The following MACROD2 variants were observed in gnomAD, a reference collection of about 807,000 sequenced individuals.
MACROD2 encodes the protein ADP-ribose glycohydrolase MACROD2.
A neutral mutation model predicts 70.4 loss-of-function variants in MACROD2; 36 were observed. The observed-to-expected ratio is 0.51, with a 90% CI of 0.39 to 0.68. The LOEUF (loss-of-function observed/expected upper bound fraction) is 0.68, where lower values mean the gene tolerates loss of function less well. Among genes scored for constraint, MACROD2 ranks in the 30% least tolerant of loss-of-function variants. The pLI is 0.00. For synonymous variants in MACROD2, 172 were observed against 178.8 expected, an observed-to-expected ratio of 0.96 and a Z score of 0.30; for missense variants, 496 against 538.4, an observed-to-expected ratio of 0.92 and a Z score of 0.78.
chr20:15,417,553 C>T (rs150832745), intron 6 of MACROD2, among the ~76,000 whole-genome samples: 556 of 140,458 alleles, frequency 4.0e-3, no homozygotes, highest in Non-Finnish European at 6.2e-3. Context: ...GATGCATGAT[C>T]GCACCACTGT....
intron 6 of MACROD2, among the ~76,000 whole-genome samples, chr20:15,393,754 A>G (rs935637675): frequency 6.6e-6 from 1 of 152,210 alleles, no homozygotes; most frequent in Non-Finnish European, 1.5e-5. Context: ...TTTGATAATC[A>G]TTCCTTACTC....
At position 14,326,150 on chromosome 20, in the gene MACROD2, T is replaced by C. The variant is rs767088262; in HGVS notation, c.272-167329T>C. The C allele has an allele frequency of 6.2e-7, 1 of 1,613,840 alleles. No homozygotes were observed. The highest frequency in any genetic ancestry group is 8.5e-7 in the Non-Finnish European group (1 of 1,179,860). On this transcript the variant is annotated intron_variant, in intron 3 of 17. Coordinates refer to ENST00000684519, the MANE Select transcript of MACROD2 (RefSeq NM_001351661.2). The surrounding 1 kb of genome is among the most constrained non-coding windows in gnomAD (Gnocchi z 5.5). ...CGTTCCCCTGTTACAATTGTTTCTG[T>C]TATAGATCCAAATGCCGGGCTATGG...
At chr20:14,481,228 CAA>C (rs1173965931) in intron 3 of MACROD2, among the ~76,000 whole-genome samples, 1 of 152,048 alleles carries the variant, frequency 6.6e-6, no homozygotes, top group Non-Finnish European at 1.5e-5. Flanking sequence ...AAATTTAGCT[CAA>C]GTCTTTCAGC....
intron 7 of MACROD2, among the ~76,000 whole-genome samples, chr20:15,468,381 C>T (rs192795300): frequency 5.3e-5 from 8 of 152,232 alleles, no homozygotes; most frequent in African/African-American, 7.2e-5. Context: ...TAACTACAAA[C>T]GAAACCAATA....
chr20:14,531,811 A>G (rs1342650349), intron 4 of MACROD2, among the ~76,000 whole-genome samples: 1 of 152,156 alleles, frequency 6.6e-6, no homozygotes, highest in Non-Finnish European at 1.5e-5. Context: ...CTAGCCCACA[A>G]GAAGCTACCT....
chr20:14,143,691 G>T (rs1449599669), intron 3 of MACROD2, among the ~76,000 whole-genome samples: 3 of 152,076 alleles, frequency 2.0e-5, no homozygotes, highest in African/African-American at 7.2e-5. Context: ...TTCTGCTCAG[G>T]CCATTGTGGA....
chr20:15,906,107 A>C (rs1400013638), intron 10 of MACROD2, among the ~76,000 whole-genome samples: 1 of 152,214 alleles, frequency 6.6e-6, no homozygotes, highest in African/African-American at 2.4e-5. Context: ...GGCAGAGGGA[A>C]GGGGAGACTG....
At chr20:15,188,590 T>C (rs1411079060) in intron 5 of MACROD2, among the ~76,000 whole-genome samples, 1 of 152,218 alleles carries the variant, frequency 6.6e-6, no homozygotes, top group African/African-American at 2.4e-5. Flanking sequence ...GCTTTTCTCA[T>C]TGTAAGCCCA....
chr20:14,642,716 C>T (rs1985163716), intron 4 of MACROD2, among the ~76,000 whole-genome samples: 1 of 152,040 alleles, frequency 6.6e-6, no homozygotes, highest in Non-Finnish European at 1.5e-5. Flanking sequence ...ATTATGTTCT[C>T]CTTTTTTTAT....
intron 8 of MACROD2, among the ~76,000 whole-genome samples, chr20:15,647,277 A>T (rs564637450): frequency 6.6e-6 from 1 of 152,342 alleles, no homozygotes; most frequent in East Asian, 1.9e-4. Context: ...TTACCTAGAT[A>T]GACTGGGAAG....
intron 8 of MACROD2, among the ~76,000 whole-genome samples, chr20:15,713,299 T>C (rs11697106): frequency 0.098 from 14,856 of 152,270 alleles, 859 homozygotes; most frequent in East Asian, 0.13. Flanking sequence ...TCAGTACTTA[T>C]AAAGCAGCGG....
chr20:15,942,322 A>G (rs1001598458), intron 12 of MACROD2, among the ~76,000 whole-genome samples: 3 of 152,320 alleles, frequency 2.0e-5, no homozygotes, highest in South Asian at 2.1e-4. Context: ...AGCTGGGAGC[A>G]TGAGATACTA....
intron 6 of MACROD2, among the ~76,000 whole-genome samples, chr20:15,357,284 C>A (rs1338397372): frequency 6.6e-6 from 1 of 152,078 alleles, no homozygotes; most frequent in African/African-American, 2.4e-5. Flanking sequence ...TCAATTATTT[C>A]TTTTTTTCTA....
intron 15 of MACROD2, among the ~76,000 whole-genome samples, chr20:16,020,227 T>TAAACTATTACA (rs1286389655): frequency 6.6e-6 from 1 of 152,088 alleles, no homozygotes; most frequent in Non-Finnish European, 1.5e-5. Flanking sequence ...CCAGCCGTCT[T>TAAACTATTACA]AAACTATTAC....
chr20:15,967,679 C>CAAAAA, intron 13 of MACROD2, 49 bp downstream of exon 13: 1 of 277,902 alleles, frequency 3.6e-6, no homozygotes, highest in Non-Finnish European at 5.3e-6. Flanking sequence ...TGCTGGGAAA[C>CAAAAA]AGAAAAAAAA....
intron 15 of MACROD2, among the ~76,000 whole-genome samples, chr20:16,030,963 G>A (rs1042600297): frequency 9.2e-5 from 14 of 152,000 alleles, no homozygotes; most frequent in African/African-American, 3.1e-4. Context: ...TAAGTTTAAC[G>A]ATTTTTAATA....
At chr20:15,360,148 A>G (rs1356705013) in intron 6 of MACROD2, among the ~76,000 whole-genome samples, 4 of 152,208 alleles carry the variant, frequency 2.6e-5, no homozygotes, top group African/African-American at 9.6e-5. Flanking sequence ...CGGTATAATG[A>G]CAGAGAGATC....
In MACROD2 at chr20:15,570,474, G is replaced by T. The variant is rs75298325; in HGVS notation, c.645+70627G>T. 8.3e-3 allele frequency among the ~76,000 whole-genome samples: 1,258 copies of T among 152,246 alleles called. 16 individuals are homozygous for T. Among genetic ancestry groups the T allele is most frequent in the African/African-American group, 0.028 (1,176 of 41,536 alleles). On this transcript the variant is annotated intron_variant, in intron 8 of 17. Coordinates refer to ENST00000684519, the MANE Select transcript of MACROD2 (RefSeq NM_001351661.2). ...ACTCGTATGTACATCTTTTAGTTAT[G>T]AACGACTGAGAACCCAATTCAAACC...
At position 14,928,907 on chromosome 20, in the gene MACROD2, G is replaced by A. The variant is rs141929815; in HGVS notation, c.418+243948G>A. Among the ~76,000 whole-genome samples, 132 of 152,192 alleles carry A rather than the reference G, an allele frequency of 8.7e-4. 1 individual carries two copies. Among genetic ancestry groups the A allele is most frequent in the Middle Eastern group, 3.4e-3 (1 of 294 alleles). On this transcript the variant is annotated intron_variant, in intron 5 of 17. Coordinates refer to ENST00000684519, the MANE Select transcript of MACROD2 (RefSeq NM_001351661.2). ...ACGCTTCCTGTTTTTAATCACTAGC[G>A]TTCCTTTAGCTGCAGTCAGCCATAT...
Sources: gnomAD v4.1 joint callset for allele counts (sites outside exome capture counted in the v4.1 genomes callset) on GRCh38, gnomAD v4.1.1 for gene constraint, Gnocchi (gnomAD v3.1) non-coding constraint, MANE v1.5 for transcripts, NCBI Gene and HGNC (gene_info 2026-07-23, HGNC 2026-07-21) for gene names.